Variants in SIPA1L3 observed in about 807,000 individuals in gnomAD.
SIPA1L3 encodes signal induced proliferation associated 1 like 3.
Under a neutral mutation model 150.1 loss-of-function variants are expected in SIPA1L3, and 59 were observed. The observed-to-expected ratio is 0.39, with a 90% CI of 0.32 to 0.49. SIPA1L3 has a LOEUF of 0.49. Among genes scored for constraint, SIPA1L3 ranks in the 20% least tolerant of loss-of-function variants. SIPA1L3 has a pLI of 0.86. For synonymous variants in SIPA1L3, 1,070 were observed against 1,077.6 expected (o/e 0.99, Z 0.14); for missense variants, 2,211 against 2,489.5 (o/e 0.89, Z 2.38).
At chr19:37,911,612 C>T (rs558072329) in intron 1 of SIPA1L3, among the ~76,000 whole-genome samples, 25 of 151,518 alleles carry the variant, frequency 1.6e-4, no homozygotes, top group Non-Finnish European at 2.8e-4. Context: ...GGGTTCACGC[C>T]GTTCTCCTCT....
At chr19:37,909,644 TCAGGGGACC>T (rs1478532673) in intron 1 of SIPA1L3, among the ~76,000 whole-genome samples, 1 of 152,220 alleles carries the variant, frequency 6.6e-6, no homozygotes, top group Non-Finnish European at 1.5e-5. Flanking sequence ...AGCCTGGCTT[TCAGGGGACC>T]CAGTTCTGTG....
At chr19:38,063,686 CAG>C (rs1336302416) in intron 2 of SIPA1L3, among the ~76,000 whole-genome samples, 1 of 152,186 alleles carries the variant, frequency 6.6e-6, no homozygotes, top group African/African-American at 2.4e-5. Context: ...ATTTAACCAT[CAG>C]TCTAGCCCGG....
At chr19:38,010,306 G>T (rs1031775851) in intron 1 of SIPA1L3, among the ~76,000 whole-genome samples, 3 of 152,056 alleles carry the variant, frequency 2.0e-5, no homozygotes, top group Admixed American at 6.5e-5. Context: ...CCTTTAGGAG[G>T]CTGAAGTGGG....
intron 2 of SIPA1L3, among the ~76,000 whole-genome samples, chr19:38,043,854 C>T (rs539261771): frequency 6.6e-6 from 1 of 152,102 alleles, no homozygotes; most frequent in African/African-American, 2.4e-5. Flanking sequence ...GGGGCCTTTT[C>T]CTTACATGGA....
intron 13 of SIPA1L3, among the ~76,000 whole-genome samples, chr19:38,153,655 G>A (rs1341384347): frequency 2.2e-5 from 3 of 135,308 alleles, no homozygotes; most frequent in African/African-American, 8.6e-5. Context: ...GGGTGACAGA[G>A]CAAGATTCTG....
chr19:38,089,758 A>C (rs1235628451), intron 4 of SIPA1L3, among the ~76,000 whole-genome samples: 2 of 152,228 alleles, frequency 1.3e-5, no homozygotes, highest in Non-Finnish European at 2.9e-5. Flanking sequence ...TAGGACTCTA[A>C]ATTGTAAGTG....
chr19:38,153,019 C>T (rs1316181038), intron 13 of SIPA1L3, 52 bp downstream of exon 13: 6 of 1,583,738 alleles, frequency 3.8e-6, no homozygotes, highest in Middle Eastern at 1.7e-4. Context: ...CTCCGCAGGA[C>T]CTCTTACTTA....
At chr19:38,064,931 A>G (rs1471060444) in intron 2 of SIPA1L3, among the ~76,000 whole-genome samples, 1 of 152,226 alleles carries the variant, frequency 6.6e-6, no homozygotes, top group Non-Finnish European at 1.5e-5. Context: ...CTTTGCTTCT[A>G]TCCACTCTGC....
chr19:38,084,548 TAAAAAA>T (rs60242010), intron 3 of SIPA1L3, among the ~76,000 whole-genome samples: 4 of 93,518 alleles, frequency 4.3e-5, no homozygotes, highest in Non-Finnish European at 8.1e-5. Flanking sequence ...GGGCTTTTCT[TAAAAAA>T]AAAAAAAAAA....
chr19:38,068,479 G>A (rs1969646649), intron 2 of SIPA1L3, among the ~76,000 whole-genome samples: 2 of 152,094 alleles, frequency 1.3e-5, no homozygotes, highest in South Asian at 4.1e-4. Context: ...TGGAGCACAG[G>A]GCAAAGGGGT....
Position 38,110,377 on chromosome 19 carries a change from T to C in SIPA1L3, c.2284T>C (p.Cys762Arg), listed in dbSNP as rs376861619. The stretch of plus-strand genomic sequence containing the variant: ...CCACAACCCCTGCACTGATAACGTC[T>C]GTTACAGGTATGCCCCCCACACCCG... ...RVHNPCTDNV[C>R]YSMAVTRSKD... Residue 762 changes from cysteine (C) to arginine (R), a missense_variant, in exon 8 of 22, where the codon TGT (cysteine) becomes CGT (arginine). By Grantham distance (180) the Cys-to-Arg change is radical. Transcript: ENST00000222345. The C allele has an allele frequency of 3.7e-6, 6 of 1,613,244 alleles. No individual in the cohort carries two copies. Among genetic ancestry groups the C allele is most frequent in the Non-Finnish European group, 4.2e-6 (5 of 1,179,438 alleles).
intron 1 of SIPA1L3, among the ~76,000 whole-genome samples, chr19:38,009,151 C>T (rs982690312): frequency 6.6e-6 from 1 of 152,070 alleles, no homozygotes; most frequent in Non-Finnish European, 1.5e-5. Context: ...TCTCCTGCCT[C>T]AGTCTCCTGA....
At chr19:37,940,048 G>A (rs1222188746) in intron 1 of SIPA1L3, among the ~76,000 whole-genome samples, 2 of 152,180 alleles carry the variant, frequency 1.3e-5, no homozygotes, top group African/African-American at 4.8e-5. Context: ...CCCTTGCAGA[G>A]CTCGTATTTT....
intron 1 of SIPA1L3, among the ~76,000 whole-genome samples, chr19:37,975,350 G>A (rs947187069): frequency 1.3e-5 from 2 of 152,142 alleles, no homozygotes; most frequent in African/African-American, 4.8e-5. Context: ...GAGCTGAATG[G>A]TGGCAGAGAG....
At chr19:37,935,921 T>A (rs935304618) in intron 1 of SIPA1L3, among the ~76,000 whole-genome samples, 6 of 152,156 alleles carry the variant, frequency 3.9e-5, no homozygotes, top group Admixed American at 2.0e-4. Context: ...CTTTCTATCC[T>A]GGCTACCATG....
chr19:37,989,424 G>C (rs1026438776), intron 1 of SIPA1L3, among the ~76,000 whole-genome samples: 16 of 152,070 alleles, frequency 1.1e-4, no homozygotes, highest in Non-Finnish European at 1.9e-4. Context: ...GGATCTCACT[G>C]TGTTGCCCAG....
At chr19:38,042,483 T>C (rs1968949334) in intron 2 of SIPA1L3, among the ~76,000 whole-genome samples, 2 of 152,232 alleles carry the variant, frequency 1.3e-5, no homozygotes, top group Non-Finnish European at 1.5e-5. Flanking sequence ...ATGTTTACAG[T>C]GACTTATCAC....
chr19:38,119,703 G>A lies in SIPA1L3; in HGVS notation c.2689G>A (p.Val897Met). 1.2e-6 allele frequency: 2 copies of A among 1,614,210 alleles called. No individual in the cohort carries two copies. Among genetic ancestry groups the A allele is most frequent in the Non-Finnish European group, 1.7e-6 (2 of 1,180,034 alleles). Residue 897 changes from valine (V) to methionine (M), a missense_variant, in exon 9 of 22, where the codon GTG (valine) becomes ATG (methionine). Physicochemically the swap from Val to Met is conservative, Grantham distance 21. Around this residue, in one of 5 missense-constraint regions of SIPA1L3, gnomAD observed 625 missense variants for 804.2 expected, o/e 0.78. Transcript: ENST00000222345. ...DCILGISNEFVVLLDLRTKEV... is the reference protein window; with the variant it reads ...DCILGISNEFMVLLDLRTKEV... The stretch of plus-strand genomic sequence containing the variant: ...CATTTTGGGAATTTCCAATGAGTTT[G>A]TGGTGCTCCTGGACTTACGCACCAA...
intron 1 of SIPA1L3, among the ~76,000 whole-genome samples, chr19:37,976,982 G>C (rs574908385): frequency 2.6e-5 from 4 of 152,016 alleles, no homozygotes; most frequent in Non-Finnish European, 5.9e-5. Context: ...CTATAGGCAT[G>C]TGCCACCATC....
Sources: gnomAD v4.1 joint callset for allele counts (sites outside exome capture counted in the v4.1 genomes callset) on GRCh38, gnomAD v4.1.1 for gene constraint, gnomAD v4.1.1 regional missense constraint, MANE v1.5 for transcripts, NCBI Gene and HGNC (gene_info 2026-07-23, HGNC 2026-07-21) for gene names.